Variants in CSMD1 observed in about 807,000 individuals in gnomAD.
CSMD1 encodes CUB and Sushi multiple domains 1, also known as CUB and sushi domain-containing protein 1.
A neutral mutation model predicts 417.5 loss-of-function variants in CSMD1; 213 were observed. That is an observed-to-expected ratio of 0.51 (90% CI 0.46 to 0.57). The LOEUF is 0.57. Among genes scored for constraint, CSMD1 ranks in the 20% least tolerant of loss-of-function variants. The pLI is 0.00. For missense variants in CSMD1, 6,923 were observed against 4,529.7 expected, an observed-to-expected ratio of 1.53 and a Z score of -15.17; for synonymous variants, 2,862 against 1,736.8, an observed-to-expected ratio of 1.65 and a Z score of -16.11.
chr8:3,722,916 T>TGC (rs1315547579), intron 6 of CSMD1, among the ~76,000 whole-genome samples: 1 of 151,762 alleles, frequency 6.6e-6, no homozygotes, highest in African/African-American at 2.4e-5. Flanking sequence ...CAAACTATTG[T>TGC]GTGTGTGCCA....
At chr8:4,268,698 AT>A (rs1173718421) in intron 3 of CSMD1, among the ~76,000 whole-genome samples, 4 of 151,934 alleles carry the variant, frequency 2.6e-5, no homozygotes, top group Admixed American at 6.6e-5. Context: ...GTGTATCTCA[AT>A]TTTTTTTGAA....
intron 6 of CSMD1, among the ~76,000 whole-genome samples, chr8:3,729,786 C>G (rs964114228): frequency 6.6e-6 from 1 of 151,932 alleles, no homozygotes; most frequent in Non-Finnish European, 1.5e-5. Flanking sequence ...TGATAGATAT[C>G]CTGATGACCA....
At chr8:4,611,832 G>A (rs536563683) in intron 2 of CSMD1, among the ~76,000 whole-genome samples, 229 of 152,256 alleles carry the variant, frequency 1.5e-3, no homozygotes, top group African/African-American at 5.2e-3. Flanking sequence ...AGCTTAAAAT[G>A]GTAATTCCTC....
At chr8:3,347,954 A>C in intron 22 of CSMD1, 38 bp downstream of exon 22, 1 of 1,463,214 alleles carries the variant, frequency 6.8e-7, no homozygotes, top group Non-Finnish European at 9.2e-7. Context: ...TTTGAGAAGA[A>C]AACTTGGAGT....
At chr8:3,507,008 C>G (rs950000037) in intron 10 of CSMD1, among the ~76,000 whole-genome samples, 1 of 152,074 alleles carries the variant, frequency 6.6e-6, no homozygotes, top group African/African-American at 2.4e-5. Context: ...CATTTTCATA[C>G]AAGATGTTGT....
At chr8:3,760,344 G>C (rs1041208525) in intron 5 of CSMD1, among the ~76,000 whole-genome samples, 2 of 152,136 alleles carry the variant, frequency 1.3e-5, no homozygotes, top group African/African-American at 4.8e-5. Flanking sequence ...GATTCAACTG[G>C]GTTTTGCTTC....
chr8:4,759,218 C>T (rs951320164), intron 1 of CSMD1, among the ~76,000 whole-genome samples: 1 of 152,168 alleles, frequency 6.6e-6, no homozygotes, highest in Non-Finnish European at 1.5e-5. Context: ...AGGCTCTGGT[C>T]TCTTTAACCT....
At chr8:3,339,552 G>C (rs1807504706) in intron 23 of CSMD1, among the ~76,000 whole-genome samples, 1 of 152,098 alleles carries the variant, frequency 6.6e-6, no homozygotes, top group South Asian at 2.1e-4. Flanking sequence ...TCCGTAATTT[G>C]AAATAATTGA....
intron 3 of CSMD1, among the ~76,000 whole-genome samples, chr8:4,274,877 C>T (rs544625634): frequency 6.6e-6 from 1 of 152,080 alleles, no homozygotes; most frequent in African/African-American, 2.4e-5. Flanking sequence ...CTCAAGTACC[C>T]AAAAGGTTTG....
At position 4,464,176 on chromosome 8, in the gene CSMD1, T is replaced by G. The variant is rs150540688; in HGVS notation, c.303-44111A>C. On this transcript the variant is annotated intron_variant, in intron 2 of 69. Coordinates refer to ENST00000635120, the MANE Select transcript of CSMD1 (RefSeq NM_033225.6). The stretch of plus-strand genomic sequence containing the variant: ...GAATTCTACTTCCTCTCTACTTCAC[T>G]TACAGGACTCTAATTTAGCCTTCCA... Among the ~76,000 whole-genome samples, 9 of 152,286 alleles carry G rather than the reference T, an allele frequency of 5.9e-5. No homozygotes were observed. In the East Asian group the frequency reaches 1.7e-3, roughly 29 times the overall value.
chr8:4,764,646 G>T lies in CSMD1; in HGVS notation c.86-127088C>A, dbSNP rs547265486. Among the ~76,000 whole-genome samples, 3 of 150,898 alleles carry T rather than the reference G, an allele frequency of 2.0e-5. No homozygotes were observed. The East Asian group carries it at 5.9e-4, about 29-fold the overall frequency. ...CTACTGGATTTAGATAATTCTCTTTGGTGTTCTTAACCCACTTTTCAAAAC... is the reference window on the plus strand; with the variant it reads ...CTACTGGATTTAGATAATTCTCTTTTGTGTTCTTAACCCACTTTTCAAAAC... On this transcript the variant is annotated intron_variant, in intron 1 of 69. Coordinates refer to ENST00000635120, the MANE Select transcript of CSMD1 (RefSeq NM_033225.6).
chr8:4,470,839 C>T (rs1242129480), intron 2 of CSMD1, among the ~76,000 whole-genome samples: 1 of 152,050 alleles, frequency 6.6e-6, no homozygotes, highest in Non-Finnish European at 1.5e-5. Context: ...TGTCTCTGGG[C>T]TTCTTTGATT....
chr8:3,519,609 G>A (rs971074195), intron 10 of CSMD1, among the ~76,000 whole-genome samples: 2 of 152,254 alleles, frequency 1.3e-5, no homozygotes, highest in Admixed American at 6.5e-5. Context: ...AAAGGGATGA[G>A]GCAATGTGCC....
chr8:4,376,457 G>C (rs892316630), intron 3 of CSMD1, among the ~76,000 whole-genome samples: 2 of 151,992 alleles, frequency 1.3e-5, no homozygotes, highest in African/African-American at 4.8e-5. Context: ...TTATTCTGTA[G>C]AAACATCATT....
chr8:4,442,983 T>A (rs1395867537), intron 2 of CSMD1, among the ~76,000 whole-genome samples: 1 of 152,172 alleles, frequency 6.6e-6, no homozygotes, highest in Admixed American at 6.5e-5. Context: ...AATAGTGTCA[T>A]TGCTTTAACT....
intron 26 of CSMD1, among the ~76,000 whole-genome samples, chr8:3,253,885 A>G (rs1214466000): frequency 2.6e-5 from 4 of 152,084 alleles, no homozygotes; most frequent in Non-Finnish European, 5.9e-5. Context: ...TTTAAGGTTT[A>G]TATTGTTATG....
At chr8:4,180,701 G>A (rs1230397861) in intron 3 of CSMD1, among the ~76,000 whole-genome samples, 1 of 152,174 alleles carries the variant, frequency 6.6e-6, no homozygotes, top group East Asian at 1.9e-4. Flanking sequence ...CTCACTGGTT[G>A]TCATGGAACT....
At chr8:4,397,462 T>A (rs542029844) in intron 3 of CSMD1, among the ~76,000 whole-genome samples, 3,917 of 151,530 alleles carry the variant, frequency 0.026, 159 homozygotes, top group African/African-American at 0.09. Flanking sequence ...ATACGTGATC[T>A]GTTGCAGGGT....
At chr8:3,307,658 T>C (rs552422147) in intron 25 of CSMD1, 37 bp downstream of exon 25, 4 of 1,602,640 alleles carry the variant, frequency 2.5e-6, no homozygotes, top group Non-Finnish European at 3.4e-6. Flanking sequence ...GGCATATCTC[T>C]TTTCTCAAAT....
Sources: allele counts gnomAD v4.1 joint callset (sites outside exome capture counted in the v4.1 genomes callset), GRCh38; gene constraint gnomAD v4.1.1; transcripts MANE v1.5; gene names NCBI Gene and HGNC (gene_info 2026-07-23, HGNC 2026-07-21).